Variants in CACNA1H observed in about 807,000 individuals in gnomAD.
CACNA1H encodes the protein calcium voltage-gated channel subunit alpha1 H.
A neutral mutation model predicts 192.5 loss-of-function variants in CACNA1H; 149 were observed. That is an observed-to-expected ratio of 0.77 (90% CI 0.68 to 0.89). The LOEUF is 0.89. Among genes scored for constraint, CACNA1H ranks in the 40% least tolerant of loss-of-function variants. The pLI is 0.00. For missense variants in CACNA1H, 4,257 were observed against 3,423.5 expected, an observed-to-expected ratio of 1.24 and a Z score of -6.08; for synonymous variants, 2,202 against 1,475.2, an observed-to-expected ratio of 1.49 and a Z score of -11.29.
intron 9 of CACNA1H, among the ~76,000 whole-genome samples, chr16:1,203,632 G>A (rs868818698): frequency 6.6e-6 from 1 of 152,184 alleles, no homozygotes; most frequent in African/African-American, 2.4e-5. Flanking sequence ...AGGCCTTGCA[G>A]GGTTGCTTCC....
chr16:1,209,938 G>C lies in CACNA1H; in HGVS notation c.3745-97G>C, dbSNP rs1442601401. ...GAGTGAGGATGGAGAAGGCTGAGAA[G>C]GTGCTGGGAGGGGTGGCCGAGCTGA... On this transcript the variant is annotated intron_variant, in intron 17 of 34. Coordinates refer to ENST00000348261, the MANE Select transcript of CACNA1H (RefSeq NM_021098.3). 3.7e-5 allele frequency: 32 copies of C among 861,990 alleles called. No homozygotes were observed. In the East Asian group the frequency reaches 8.2e-4, roughly 22 times the overall value. The allele number at this position is 861,990 out of a possible 1,614,324, so 53.4% of individuals were successfully genotyped here. A position where few individuals can be genotyped will look rare whatever the true frequency, so the allele number is the denominator to read the frequency against.
At chr16:1,214,510 T>C (rs1256940685) in intron 27 of CACNA1H, among the ~76,000 whole-genome samples, 1 of 152,054 alleles carries the variant, frequency 6.6e-6, no homozygotes, top group African/African-American at 2.4e-5. Flanking sequence ...GGCTCCCAGG[T>C]CCATCTGGGC....
chr16:1,219,680 G>A lies in CACNA1H; in HGVS notation c.6049-301G>A, dbSNP rs2738895. Among the ~76,000 whole-genome samples, 99,002 of 152,174 alleles carry A rather than the reference G, an allele frequency of 0.65. 32,726 individuals carry two copies. Among genetic ancestry groups the A allele is most frequent in the East Asian group, 0.88 (4,531 of 5,164 alleles). ...CCCCATCCTGGGGGTGCCCAGCTGG[G>A]CTGCTGATGTCCAGGGGTGGGGAGG... On this transcript the variant is annotated intron_variant, in intron 34 of 34. Transcript: ENST00000348261.
At chr16:1,214,828 C>A in intron 27 of CACNA1H, 144 bp from the exon 28 acceptor site, 1 of 633,922 alleles carries the variant, frequency 1.6e-6, no homozygotes, top group East Asian at 2.7e-5. Context: ...CGAAGAGGCT[C>A]CCGGTGCCCA....
chr16:1,175,371 A>G (rs1247927833), intron 2 of CACNA1H, among the ~76,000 whole-genome samples: 1 of 152,146 alleles, frequency 6.6e-6, no homozygotes, highest in Admixed American at 6.5e-5. Context: ...GTTTTGCATT[A>G]TACAGGCTGG....
In CACNA1H at chr16:1,160,887, C is replaced by T. The variant is rs568547342; in HGVS notation, c.299+6851C>T. 5.9e-5 allele frequency among the ~76,000 whole-genome samples: 9 copies of T among 152,234 alleles called. No individual in the cohort carries two copies. The South Asian group carries it at 8.3e-4, about 14-fold the overall frequency. On this transcript the variant is annotated intron_variant, in intron 2 of 34. Coordinates refer to ENST00000348261, the MANE Select transcript of CACNA1H (RefSeq NM_021098.3). The stretch of plus-strand genomic sequence containing the variant: ...CCGGGACGCCAGAGCACCCCATCCT[C>T]GGGTGCGCGGCCGGCGAGGACCGAG...
intron 17 of CACNA1H, 106 bp from the exon 18 acceptor site, chr16:1,209,929 G>C (rs1355565265): frequency 2.5e-6 from 2 of 809,470 alleles, no homozygotes; most frequent in African/African-American, 3.5e-5. Context: ...GGATGGAGAA[G>C]GCTGAGAAGG....
intron 16 of CACNA1H, 116 bp downstream of exon 16, chr16:1,208,337 A>T: frequency 1.4e-6 from 1 of 729,822 alleles, no homozygotes; most frequent in Non-Finnish European, 2.3e-6. Flanking sequence ...TTGAAGTCCC[A>T]GCCTGTGCAG....
In CACNA1H at chr16:1,210,601, G is replaced by T; in HGVS notation, c.3988G>T (p.Val1330Phe). Reference sequence around the variant, plus strand: ...CCGGCAGGAGCGGGTCTTCCTCAGCGTCTCCAATTACATCTTCACGGCCAT... The same window carrying T: ...CCGGCAGGAGCGGGTCTTCCTCAGCTTCTCCAATTACATCTTCACGGCCAT... Reference protein sequence around the residue: ...PGSTERVFLSVSNYIFTAIFV... With the variant: ...PGSTERVFLSFSNYIFTAIFV... The change falls in exon 20 of 35, where the codon GTC (valine) becomes TTC (phenylalanine). Residue 1330 changes from valine (V) to phenylalanine (F), a missense_variant. Val to Phe is a conservative substitution (Grantham distance 50). Coordinates refer to ENST00000348261, the MANE Select transcript of CACNA1H (RefSeq NM_021098.3). The T allele has an allele frequency of 6.2e-7, 1 of 1,608,204 alleles. No homozygotes were observed. The highest frequency in any genetic ancestry group is 1.1e-5 in the South Asian group (1 of 91,064).
intron 2 of CACNA1H, among the ~76,000 whole-genome samples, chr16:1,181,940 A>ACG (rs879926207): frequency 8.9e-4 from 136 of 152,072 alleles, no homozygotes; most frequent in African/African-American, 3.0e-3. Context: ...CCCTTTGCAC[A>ACG]CACGCCCCCT....
intron 8 of CACNA1H, 126 bp from the exon 9 acceptor site, chr16:1,201,537 G>C: frequency 8.6e-7 from 1 of 1,164,664 alleles, no homozygotes; most frequent in Non-Finnish European, 1.2e-6. Flanking sequence ...CCTGCCCATA[G>C]CAGGGCACCT....
At chr16:1,207,633 C>T in intron 14 of CACNA1H, 137 bp from the exon 15 acceptor site, 6 of 931,274 alleles carry the variant, frequency 6.4e-6, no homozygotes, top group South Asian at 1.6e-5. Context: ...ACCTACCTGC[C>T]CACCCTGGCA....
Position 1,187,121 on chromosome 16 carries a change from C to T in CACNA1H, c.300-7851C>T, listed in dbSNP as rs186286661. ...GGCTGATAGCGCCTGTGGGAATGGG[C>T]TTCCCCGGTGAATACACATAGGTCG... On this transcript the variant is annotated intron_variant, in intron 2 of 34. Transcript: ENST00000348261. Among the ~76,000 whole-genome samples the T allele has an allele frequency of 3.3e-3, 506 of 152,392 alleles. 4 individuals carry two copies. The highest frequency in any genetic ancestry group is 0.014 in the South Asian group (69 of 4,834).
At position 1,180,466 on chromosome 16, in the gene CACNA1H, C is replaced by T. The variant is rs532560501; in HGVS notation, c.300-14506C>T. 2.0e-5 allele frequency among the ~76,000 whole-genome samples: 3 copies of T among 152,240 alleles called. No individual in the cohort carries two copies. The highest frequency in any genetic ancestry group is 7.2e-5 in the African/African-American group (3 of 41,560). On this transcript the variant is annotated intron_variant, in intron 2 of 34. Coordinates refer to ENST00000348261, the MANE Select transcript of CACNA1H (RefSeq NM_021098.3). The surrounding 1 kb of genome is among the most constrained non-coding windows in gnomAD (Gnocchi z 4.4). ...TCCCCAGTGGTGGGACTGGAGGTGCCGTGGAGGGTGGGCCTGTGTCCTGGT... is the reference window on the plus strand; with the variant it reads ...TCCCCAGTGGTGGGACTGGAGGTGCTGTGGAGGGTGGGCCTGTGTCCTGGT...
Position 1,153,841 on chromosome 16 carries a change from C to A in CACNA1H, c.104C>A (p.Ala35Glu). ...LVGASPESPG[A>E]PGREAERGSE... ...GGGGCGTCCCCGGAGAGCCCCGGGG[C>A]GCCGGGACGCGAGGCGGAGCGGGGG... The change falls in exon 2 of 35, where the codon GCG becomes GAG. Residue 35 changes from alanine (A) to glutamate (E), a missense_variant. Transcript: ENST00000348261. 2.3e-6 allele frequency: 3 copies of A among 1,316,126 alleles called. No individual in the cohort carries two copies. The highest frequency in any genetic ancestry group is 1.9e-6 in the Non-Finnish European group (2 of 1,034,564). The allele number at this position is 1,316,126 out of a possible 1,614,324, so 81.5% of individuals were successfully genotyped here. A position where few individuals can be genotyped will look rare whatever the true frequency, so the allele number is the denominator to read the frequency against.
intron 27 of CACNA1H, 64 bp downstream of exon 27, chr16:1,213,995 A>G: frequency 7.1e-7 from 1 of 1,408,588 alleles, no homozygotes; most frequent in Non-Finnish European, 9.9e-7. Flanking sequence ...CAGCCAACAC[A>G]GTGGGCACAA....
chr16:1,166,589 C>G (rs1310803593), intron 2 of CACNA1H, among the ~76,000 whole-genome samples: 1 of 152,126 alleles, frequency 6.6e-6, no homozygotes, highest in Non-Finnish European at 1.5e-5. Flanking sequence ...CTTTCCTCGC[C>G]CCGAGAGGAA....
At chr16:1,199,608 C>T (rs1029692319) in intron 6 of CACNA1H, among the ~76,000 whole-genome samples, 18 of 150,834 alleles carry the variant, frequency 1.2e-4, no homozygotes, top group Non-Finnish European at 3.0e-5. Flanking sequence ...ACCCCAGGGT[C>T]TCCCCTCGGC....
chr16:1,158,700 G>A (rs1418301265), intron 2 of CACNA1H, among the ~76,000 whole-genome samples: 2 of 152,166 alleles, frequency 1.3e-5, no homozygotes, highest in Non-Finnish European at 2.9e-5. Flanking sequence ...TCCCAGACCC[G>A]CTTCTGCGGC....
Sources: allele counts gnomAD v4.1 joint callset (sites outside exome capture counted in the v4.1 genomes callset), GRCh38; gene constraint gnomAD v4.1.1; non-coding constraint Gnocchi (gnomAD v3.1); transcripts MANE v1.5; gene names NCBI Gene and HGNC (gene_info 2026-07-23, HGNC 2026-07-21).